Variants in RASSF3 observed in about 807,000 individuals in gnomAD.
RASSF3 encodes ras association domain-containing protein 3.
Under a neutral mutation model 19.9 loss-of-function variants are expected in RASSF3, and 19 were observed. That is an observed-to-expected ratio of 0.96 (90% confidence interval 0.67 to 1.40). The LOEUF is 1.40. Ranked by LOEUF, RASSF3 falls within the 40% of genes most tolerant of loss-of-function variation. The probability of loss-of-function intolerance (pLI) is 0.00; values close to 1 mark genes in which losing one functional copy is unlikely to be tolerated. For missense variants in RASSF3, 306 were observed against 289.8 expected, an observed-to-expected ratio of 1.06 and a Z score of -0.41; for synonymous variants, 110 against 104.2, an observed-to-expected ratio of 1.06 and a Z score of -0.34.
At chr12:64,690,091 G>T (rs7135662) in intron 3 of RASSF3, among the ~76,000 whole-genome samples, 14 of 151,540 alleles carry the variant, frequency 9.2e-5, no homozygotes, top group Non-Finnish European at 2.1e-4. Context: ...GCCTGGCCTC[G>T]CTAATTCTTA....
chr12:64,690,706 G>A (rs1318249172), intron 3 of RASSF3, among the ~76,000 whole-genome samples: 3 of 150,414 alleles, frequency 2.0e-5, no homozygotes, highest in Non-Finnish European at 4.4e-5. Context: ...GGCTGGTCTC[G>A]AACTCCAGGC....
chr12:64,529,610 G>C (rs1338742955), upstream of RASSF3, among the ~76,000 whole-genome samples: 1 of 152,150 alleles, frequency 6.6e-6, no homozygotes, highest in Non-Finnish European at 1.5e-5. Context: ...GATGTAAATA[G>C]ATCAAGAATC....
At chr12:64,611,248 G>A (rs1870352294) in intron 1 of RASSF3, among the ~76,000 whole-genome samples, 1 of 152,204 alleles carries the variant, frequency 6.6e-6, no homozygotes. Context: ...TGGTGGAGTG[G>A]GGGTCCAAGG....
At chr12:64,525,480 C>G (rs1252908676) in intron 1 of RASSF3, among the ~76,000 whole-genome samples, 1 of 152,160 alleles carries the variant, frequency 6.6e-6, no homozygotes, top group Non-Finnish European at 1.5e-5. Context: ...TTCCCCCCAT[C>G]TCCTTTTAGC....
intron 2 of RASSF3, among the ~76,000 whole-genome samples, chr12:64,556,503 G>A (rs1257034968): frequency 6.6e-6 from 1 of 152,140 alleles, no homozygotes; most frequent in Non-Finnish European, 1.5e-5. Context: ...GCCTGTTAAA[G>A]GAGTCCTTCC....
rs1481778872 is a variant in RASSF3, at chr12:64,695,087, A to G, written c.*175A>G. 1.6e-6 allele frequency: 1 copy of G among 629,722 alleles called. No homozygotes were observed. Among genetic ancestry groups the G allele is most frequent in the Non-Finnish European group, 2.7e-6 (1 of 372,924 alleles). The allele number at this position is 629,722 out of a possible 1,614,324, so 39.0% of individuals were successfully genotyped here. A position where few individuals can be genotyped will look rare whatever the true frequency, so the allele number is the denominator to read the frequency against. On this transcript the variant is annotated 3_prime_UTR_variant, in exon 5 of 5. Coordinates refer to ENST00000542104, the MANE Select transcript of RASSF3 (RefSeq NM_178169.4). ...ACAGCATCCTGCACCTTAGCGTCCC[A>G]TGTAAGGGACTCTGCAAGCTTGTTG...
chr12:64,647,075 G>A (rs1374082152), intron 1 of RASSF3, among the ~76,000 whole-genome samples: 2 of 152,060 alleles, frequency 1.3e-5, no homozygotes, highest in East Asian at 3.9e-4. Context: ...ATGGAATTAG[G>A]CCCCTTTCTT....
At chr12:64,611,235 A>C (rs1520766) in intron 1 of RASSF3, among the ~76,000 whole-genome samples, 112,306 of 152,112 alleles carry the variant, frequency 0.74, 41,821 homozygotes, top group South Asian at 0.83. Flanking sequence ...GGCCCGGGCG[A>C]CCTGGTGGAG....
intron 1 of RASSF3, chr12:64,654,199 G>C (rs1872065063): frequency 6.6e-6 from 1 of 151,994 alleles, no homozygotes; most frequent in Admixed American, 6.6e-5. Flanking sequence ...CTGTCACCCA[G>C]GCTGGAATGC....
chr12:64,553,651 G>A (rs1342569922), intron 2 of RASSF3, among the ~76,000 whole-genome samples: 1 of 152,068 alleles, frequency 6.6e-6, no homozygotes, highest in Non-Finnish European at 1.5e-5. Flanking sequence ...CTCTACGTAA[G>A]CATTTCTCCA....
intron 1 of RASSF3, among the ~76,000 whole-genome samples, chr12:64,516,839 A>T (rs1251028454): frequency 2.6e-5 from 4 of 151,906 alleles, no homozygotes; most frequent in Non-Finnish European, 5.9e-5. Context: ...ATCTCTACTT[A>T]AAAGACAAAA....
At chr12:64,555,208 C>T (rs1295125918) in intron 2 of RASSF3, among the ~76,000 whole-genome samples, 1 of 151,684 alleles carries the variant, frequency 6.6e-6, no homozygotes, top group Admixed American at 6.6e-5. Flanking sequence ...CGCACCACTG[C>T]ACTCCAGTGG....
At chr12:64,508,738 G>T (rs558629503) in intron 1 of RASSF3, among the ~76,000 whole-genome samples, 1 of 151,922 alleles carries the variant, frequency 6.6e-6, no homozygotes, top group Non-Finnish European at 1.5e-5. Context: ...TACAAAATTA[G>T]CTGGGTGTGG....
chr12:64,548,206 G>A (rs531924890), intron 2 of RASSF3, among the ~76,000 whole-genome samples: 1 of 151,852 alleles, frequency 6.6e-6, no homozygotes, highest in Non-Finnish European at 1.5e-5. Flanking sequence ...TTGAGACAGG[G>A]TCTCACTCTG....
At chr12:64,540,913 G>A (rs1439933492) in intron 1 of RASSF3, among the ~76,000 whole-genome samples, 1 of 152,126 alleles carries the variant, frequency 6.6e-6, no homozygotes, top group Non-Finnish European at 1.5e-5. Context: ...TGGGACTACA[G>A]GTGTGTGCCA....
chr12:64,550,834 G>GA (rs761807385), intron 2 of RASSF3, among the ~76,000 whole-genome samples: 1 of 125,754 alleles, frequency 8.0e-6, no homozygotes, highest in Admixed American at 8.4e-5. Flanking sequence ...AAAAAAAAAA[G>GA]AAAGAAAGAA....
intron 1 of RASSF3, among the ~76,000 whole-genome samples, chr12:64,648,276 C>T (rs1271760917): frequency 1.3e-5 from 2 of 152,080 alleles, no homozygotes; most frequent in South Asian, 2.1e-4. Context: ...TCCCGCTGGA[C>T]GATTAGTTGG....
chr12:64,544,315 A>G (rs1565836376), downstream of RASSF3, among the ~76,000 whole-genome samples: 1 of 152,156 alleles, frequency 6.6e-6, no homozygotes. Flanking sequence ...CAGCTTCAGT[A>G]CTGTGCTAGC....
At chr12:64,657,901 C>T (rs1872216019) in intron 1 of RASSF3, among the ~76,000 whole-genome samples, 1 of 151,862 alleles carries the variant, frequency 6.6e-6, no homozygotes, top group Non-Finnish European at 1.5e-5. Context: ...TGGGCGAGAC[C>T]TCATCTCTAC....
Sources: gnomAD v4.1 joint callset for allele counts (sites outside exome capture counted in the v4.1 genomes callset) on GRCh38, gnomAD v4.1.1 for gene constraint, MANE v1.5 for transcripts, NCBI Gene and HGNC (gene_info 2026-07-23, HGNC 2026-07-21) for gene names.